SRGAP2: variants seen among roughly 807,000 people sequenced by gnomAD.
SRGAP2 encodes SLIT-ROBO Rho GTPase activating protein 2.
A neutral mutation model predicts 57.2 loss-of-function variants in SRGAP2; 15 were observed. That is an observed-to-expected ratio of 0.26 (90% CI 0.18 to 0.40). The LOEUF (loss-of-function observed/expected upper bound fraction) is 0.40. Among genes scored for constraint, SRGAP2 ranks in the 10% least tolerant of loss-of-function variants. SRGAP2 has a pLI of 1.00. For synonymous variants in SRGAP2, 249 were observed against 248.0 expected, an observed-to-expected ratio of 1.00 and a Z score of -0.04; for missense variants, 520 against 669.6, an observed-to-expected ratio of 0.78 and a Z score of 2.47.
At chr1:206,443,478 G>A (rs1260580628) in intron 17 of SRGAP2, among the ~76,000 whole-genome samples, 1 of 152,132 alleles carries the variant, frequency 6.6e-6, no homozygotes, top group Non-Finnish European at 1.5e-5. Context: ...AGGTTCAAGC[G>A]ATTCTCCTGC....
At chr1:206,423,197 G>A (rs1558416593) in intron 13 of SRGAP2, among the ~76,000 whole-genome samples, 1 of 152,120 alleles carries the variant, frequency 6.6e-6, no homozygotes, top group Non-Finnish European at 1.5e-5. Flanking sequence ...CCTGCTCCCT[G>A]TAACCTCAGC....
At chr1:206,262,440 C>T (rs1189140646) in intron 2 of SRGAP2, among the ~76,000 whole-genome samples, 1 of 147,028 alleles carries the variant, frequency 6.8e-6, no homozygotes, top group East Asian at 2.0e-4. Context: ...AAGGAAGGCA[C>T]TCTCTTTTAC....
chr1:206,459,618 G>A (rs1327935175), intron 22 of SRGAP2, among the ~76,000 whole-genome samples: 1 of 152,052 alleles, frequency 6.6e-6, no homozygotes, highest in African/African-American at 2.4e-5. Context: ...TCCGACTACC[G>A]GGGCCACTCC....
chr1:206,397,304 CA>C (rs1219394561), intron 7 of SRGAP2, among the ~76,000 whole-genome samples: 1 of 151,030 alleles, frequency 6.6e-6, no homozygotes, highest in African/African-American at 2.4e-5. Flanking sequence ...TAAAAAGGGC[CA>C]AAAGGATGCA....
Position 206,205,985 on chromosome 1 carries a change from C to G in SRGAP2, c.15C>G (p.Ala5=), listed in dbSNP as rs1553301133. The G allele has an allele frequency of 6.5e-7, 1 of 1,543,814 alleles. No homozygotes were observed. The highest frequency in any genetic ancestry group is 8.7e-7 in the Non-Finnish European group (1 of 1,145,750). The change falls in exon 2 of 23, where the codon GCC becomes GCG. Residue 5 remains alanine, a synonymous_variant. Transcript: ENST00000573034. The part of the protein sequence containing the change: MTSP[A]KFKKDKEIIA... ...AGAAGGAAAACATGACGTCTCCAGC[C>G]AAATTCAAAAAGGATAAGGAGATCA...
At chr1:206,420,507 C>T (rs375279074) in intron 12 of SRGAP2, among the ~76,000 whole-genome samples, 17 of 152,102 alleles carry the variant, frequency 1.1e-4, no homozygotes, top group East Asian at 5.8e-4. Context: ...CTCTGGTTTC[C>T]TCTTATAGAA....
In SRGAP2 at chr1:206,464,293, T is replaced by G. The variant is rs1432029103; in HGVS notation, c.*2873T>G. On this transcript the variant is annotated 3_prime_UTR_variant, in exon 23 of 23. Transcript: ENST00000573034. ...TGTCACATTTGTGTAAAATGGTATA[T>G]TCTTTAAAATAGTGTTGATAACTGG... The G allele has an allele frequency of 2.0e-5, 3 of 152,686 alleles. No homozygotes were observed. Among genetic ancestry groups the G allele is most frequent in the African/African-American group, 4.8e-5 (2 of 41,472 alleles). The allele number at this position is 152,686 out of a possible 1,614,324, so 9.5% of individuals were successfully genotyped here.
chr1:206,417,068 T>C (rs1231286443), intron 11 of SRGAP2, among the ~76,000 whole-genome samples: 1 of 152,018 alleles, frequency 6.6e-6, no homozygotes, highest in African/African-American at 2.4e-5. Flanking sequence ...TCCCAGATGA[T>C]TAATTTTTTT....
At chr1:206,298,568 T>C (rs1342020608) in intron 2 of SRGAP2, among the ~76,000 whole-genome samples, 1 of 152,122 alleles carries the variant, frequency 6.6e-6, no homozygotes, top group Non-Finnish European at 1.5e-5. Context: ...TTTAAACATA[T>C]TCACAAGGTT....
chr1:206,327,134 C>T (rs1673979708), intron 3 of SRGAP2, among the ~76,000 whole-genome samples: 1 of 152,094 alleles, frequency 6.6e-6, no homozygotes, highest in African/African-American at 2.4e-5. Context: ...CGAGACCAGC[C>T]TGACCAACAT....
intron 13 of SRGAP2, among the ~76,000 whole-genome samples, chr1:206,427,798 C>T (rs1405516515): frequency 6.6e-6 from 1 of 152,186 alleles, no homozygotes; most frequent in African/African-American, 2.4e-5. Context: ...ATTGTACATT[C>T]AGCTGCATTA....
At chr1:206,425,333 T>C (rs1660700056) in intron 13 of SRGAP2, among the ~76,000 whole-genome samples, 1 of 152,228 alleles carries the variant, frequency 6.6e-6, no homozygotes, top group Non-Finnish European at 1.5e-5. Flanking sequence ...ATCAGGTTAA[T>C]TAGGGTATCT....
chr1:206,372,879 CCTTT>C lies in SRGAP2; in HGVS notation c.424-11124_424-11121del, dbSNP rs1214460549. Reference sequence around the variant, plus strand: ...ACAATAAAATCAGGCCAGGTAGATTCCTTTCTTTCTTTCTCTCTCCTTTCTTTCT... The same window carrying C: ...ACAATAAAATCAGGCCAGGTAGATTCCTTTCTTTCTCTCTCCTTTCTTTCT... On this transcript the variant is annotated intron_variant, in intron 4 of 22. Transcript: ENST00000573034. Among the ~76,000 whole-genome samples, 7 of 79,464 alleles carry C rather than the reference CCTTT, an allele frequency of 8.8e-5. No homozygotes were observed. In the East Asian group the frequency reaches 3.9e-3, roughly 44 times the overall value. The allele number at this position is 79,464 out of a possible 152,430, so 52.1% of individuals were successfully genotyped here. A position where few individuals can be genotyped will look rare whatever the true frequency, so the allele number is the denominator to read the frequency against.
intron 21 of SRGAP2, among the ~76,000 whole-genome samples, chr1:206,456,528 A>C (rs1663848694): frequency 6.6e-6 from 1 of 152,224 alleles, no homozygotes; most frequent in South Asian, 2.1e-4. Context: ...ATAATTAGTT[A>C]AGTACATATT....
chr1:206,309,277 G>T (rs1303562489), intron 3 of SRGAP2, among the ~76,000 whole-genome samples: 1 of 151,548 alleles, frequency 6.6e-6, no homozygotes, highest in East Asian at 1.9e-4. Flanking sequence ...TTCAAGAGCA[G>T]TGGAAAATAA....
At chr1:206,394,069 T>C (rs1657319010) in intron 7 of SRGAP2, among the ~76,000 whole-genome samples, 1 of 106,322 alleles carries the variant, frequency 9.4e-6, no homozygotes, top group Non-Finnish European at 1.8e-5. Flanking sequence ...TTTTTTGAGA[T>C]AGAGTCTTGC....
intron 4 of SRGAP2, among the ~76,000 whole-genome samples, chr1:206,364,299 CTTTT>C (rs1194605542): frequency 8.4e-6 from 1 of 118,580 alleles, no homozygotes. Context: ...GGTTGCTCTT[CTTTT>C]TTTTTTTTTT....
intron 16 of SRGAP2, among the ~76,000 whole-genome samples, chr1:206,438,342 T>C (rs1358759848): frequency 6.6e-6 from 1 of 152,156 alleles, no homozygotes; most frequent in Non-Finnish European, 1.5e-5. Context: ...TTCTTCTGAT[T>C]CATCTCTGGG....
In SRGAP2 at chr1:206,244,249, AACTT is replaced by A. The variant is rs1416936524; in HGVS notation, c.67+38215_67+38218del. On this transcript the variant is annotated intron_variant, in intron 2 of 22. Transcript: ENST00000573034. Reference sequence around the variant, plus strand: ...TAAATGCTTATTATTTAATATTGACAACTTACAGATTAATGTTTTAAATCTTTTT... The same window carrying A: ...TAAATGCTTATTATTTAATATTGACAACAGATTAATGTTTTAAATCTTTTT... Among the ~76,000 whole-genome samples, 141 of 101,678 alleles carry A rather than the reference AACTT, an allele frequency of 1.4e-3. 24 individuals carry two copies. The highest frequency in any genetic ancestry group is 5.1e-3 in the African/African-American group (122 of 23,918). The allele number at this position is 101,678 out of a possible 152,430, so 66.7% of individuals were successfully genotyped here.
Sources: gnomAD v4.1 joint callset for allele counts (sites outside exome capture counted in the v4.1 genomes callset) on GRCh38, gnomAD v4.1.1 for gene constraint, MANE v1.5 for transcripts, NCBI Gene and HGNC (gene_info 2026-07-23, HGNC 2026-07-21) for gene names.